The following ARHGEF37 variants were observed in gnomAD, a reference collection of about 807,000 sequenced individuals.
ARHGEF37 encodes Rho guanine nucleotide exchange factor (GEF) 37.
In ARHGEF37, 55 loss-of-function variants were observed where a neutral mutation model predicts 71.1. The observed-to-expected ratio is 0.77, with a 90% CI of 0.62 to 0.97. The LOEUF (loss-of-function observed/expected upper bound fraction) is 0.97, where lower values mean the gene tolerates loss of function less well. ARHGEF37 is among the 50% of genes least tolerant of loss of function. The pLI is 0.00. For synonymous variants in ARHGEF37, 327 were observed against 350.6 expected, an observed-to-expected ratio of 0.93 and a Z score of 0.75; for missense variants, 765 against 836.8, an observed-to-expected ratio of 0.91 and a Z score of 1.06.
At chr5:149,574,518 T>C (rs1036231798) in intron 1 of ARHGEF37, among the ~76,000 whole-genome samples, 4 of 152,238 alleles carry the variant, frequency 2.6e-5, no homozygotes, top group African/African-American at 9.6e-5. Context: ...CACCAGTTTT[T>C]TGGCCTTAGC....
chr5:149,626,946 G>A, intron 10 of ARHGEF37, 130 bp from the exon 11 acceptor site: 3 of 946,486 alleles, frequency 3.2e-6, no homozygotes, highest in Non-Finnish European at 4.7e-6. Context: ...CCTGATCAGG[G>A]TGGGCCCTTC....
chr5:149,555,144 A>G (rs555746318), intron 1 of ARHGEF37, among the ~76,000 whole-genome samples: 34 of 151,648 alleles, frequency 2.2e-4, no homozygotes, highest in Middle Eastern at 3.4e-3. Context: ...AAAAAAAAAA[A>G]AAAGAAAGAA....
At chr5:149,603,155 G>A (rs868159655) in intron 3 of ARHGEF37, among the ~76,000 whole-genome samples, 2 of 151,944 alleles carry the variant, frequency 1.3e-5, no homozygotes, top group African/African-American at 2.4e-5. Flanking sequence ...CTGGTCTCGA[G>A]CTCCTGACCT....
intron 3 of ARHGEF37, among the ~76,000 whole-genome samples, chr5:149,602,043 T>C (rs1285832105): frequency 6.8e-6 from 1 of 147,946 alleles, no homozygotes; most frequent in Non-Finnish European, 1.5e-5. Context: ...GTTTGATTTA[T>C]GTTTTTCTTT....
chr5:149,561,821 T>C (rs899261422), intron 1 of ARHGEF37, among the ~76,000 whole-genome samples: 2 of 152,232 alleles, frequency 1.3e-5, no homozygotes, highest in Non-Finnish European at 2.9e-5. Flanking sequence ...ATATTTGTGT[T>C]AGCTATTTTT....
rs116320238 is a variant in ARHGEF37 at position 149,585,308 on chromosome 5, G to A, written c.-12+3684G>A. 7.3e-3 allele frequency among the ~76,000 whole-genome samples: 1,107 copies of A among 152,214 alleles called. 11 individuals carry two copies. The highest frequency in any genetic ancestry group is 0.025 in the African/African-American group (1,055 of 41,522). ...TGTTATCCGGAAACTTCACTCCTAG[G>A]TCCAGCTTTATTGTAATAGTGAAAC... is the stretch of plus-strand genomic sequence containing the variant. On this transcript the variant is annotated intron_variant, in intron 1 of 12. Coordinates refer to ENST00000333677, the MANE Select transcript of ARHGEF37 (RefSeq NM_001001669.3).
At position 149,632,216 on chromosome 5, in the gene ARHGEF37, G is replaced by A. The variant is rs761344053; in HGVS notation, c.*25G>A. The A allele has an allele frequency of 1.9e-6, 3 of 1,608,552 alleles. No homozygotes were observed. The highest frequency in any genetic ancestry group is 2.2e-5 in the South Asian group (2 of 90,936). ...GGGTACCCTCTTTGGAGCCTACATT[G>A]CCAAATGATGGGGGAGGCTTAGAGG... On this transcript the variant is annotated 3_prime_UTR_variant, in exon 13 of 13. Coordinates refer to ENST00000333677, the MANE Select transcript of ARHGEF37 (RefSeq NM_001001669.3).
upstream of ARHGEF37, among the ~76,000 whole-genome samples, chr5:149,581,317 C>T (rs2113261287): frequency 6.6e-6 from 1 of 152,346 alleles, no homozygotes; most frequent in East Asian, 1.9e-4. Flanking sequence ...TGCAATCCTT[C>T]GGGTTGGCTG....
In ARHGEF37 at chr5:149,570,875, C is replaced by CA. The variant is rs1010514695; in HGVS notation, c.-12+18765dup. Reference sequence around the variant, plus strand: ...TGGGTGACAGAGCAAGACTCCATCTCAAAAAAAAAAAAAGTTTAACTTACA... The same window carrying CA: ...TGGGTGACAGAGCAAGACTCCATCTCAAAAAAAAAAAAAAGTTTAACTTACA... On this transcript the variant is annotated intron_variant, in intron 1 of 2. Transcript: ENST00000505810. Among the ~76,000 whole-genome samples, 564 of 129,856 alleles carry CA rather than the reference C, an allele frequency of 4.3e-3. 2 individuals are homozygous for CA. The highest frequency in any genetic ancestry group is 0.012 in the African/African-American group (430 of 35,398). The allele number at this position is 129,856 out of a possible 152,430, so 85.2% of individuals were successfully genotyped here. A position where few individuals can be genotyped will look rare whatever the true frequency, so the allele number is the denominator to read the frequency against.
chr5:149,591,433 G>T (rs1763402744), intron 1 of ARHGEF37, among the ~76,000 whole-genome samples: 1 of 152,072 alleles, frequency 6.6e-6, no homozygotes, highest in Non-Finnish European at 1.5e-5. Flanking sequence ...GCCCAGGCTG[G>T]AGTGCAGTAG....
chr5:149,610,386 C>G (rs1312249734), intron 4 of ARHGEF37, among the ~76,000 whole-genome samples: 1 of 152,024 alleles, frequency 6.6e-6, no homozygotes, highest in East Asian at 1.9e-4. Context: ...TGGGTAGAAG[C>G]CTCAGGTAGA....
chr5:149,633,616 A>C lies in ARHGEF37; in HGVS notation c.*1425A>C, dbSNP rs1488493960. On this transcript the variant is annotated 3_prime_UTR_variant, in exon 13 of 13. Transcript: ENST00000333677. ...AAGTTGCAAGATTCACAGAAATGGGAAAATGTGACCAAGTGTGATCTTAAC... is the reference window on the plus strand; with the variant it reads ...AAGTTGCAAGATTCACAGAAATGGGCAAATGTGACCAAGTGTGATCTTAAC... 6.6e-6 allele frequency: 1 copy of C among 152,252 alleles called. No homozygotes were observed. Among genetic ancestry groups the C allele is most frequent in the Non-Finnish European group, 1.5e-5 (1 of 68,044 alleles). The allele number at this position is 152,252 out of a possible 1,614,324, so 9.4% of individuals were successfully genotyped here.
chr5:149,587,861 T>C (rs1763282518), intron 1 of ARHGEF37, among the ~76,000 whole-genome samples: 1 of 151,604 alleles, frequency 6.6e-6, no homozygotes, highest in African/African-American at 2.4e-5. Flanking sequence ...TATGTGCACA[T>C]TCTTGTTTCT....
chr5:149,604,354 GACTT>G (rs1310219378), intron 3 of ARHGEF37, among the ~76,000 whole-genome samples: 1 of 152,030 alleles, frequency 6.6e-6, no homozygotes. Flanking sequence ...TGTTGCATGG[GACTT>G]ACTTACGCTA....
intron 10 of ARHGEF37, among the ~76,000 whole-genome samples, chr5:149,624,458 G>T (rs1334987172): frequency 2.0e-5 from 3 of 152,146 alleles, no homozygotes; most frequent in African/African-American, 4.8e-5. Flanking sequence ...CAAAAACCTA[G>T]AACTTCTTCA....
chr5:149,618,210 C>T lies in ARHGEF37; in HGVS notation c.693C>T (p.Leu231=), dbSNP rs780595787. ...ACACCAAGGTAGAGCAGCTGACCCT[C>T]CGGGAGCGGCTGGCCCGCATCAACA... is the stretch of plus-strand genomic sequence containing the variant. The part of the protein sequence containing the change: ...SKYTKVEQLT[L]RERLARINTH... Residue 231 remains leucine (L), a synonymous_variant, in exon 6 of 13, where the codon CTC becomes CTT. Coordinates refer to ENST00000333677, the MANE Select transcript of ARHGEF37 (RefSeq NM_001001669.3). The T allele has an allele frequency of 8.7e-6, 14 of 1,614,132 alleles. No individual in the cohort carries two copies. In the East Asian group the frequency reaches 3.1e-4, roughly 36 times the overall value.
chr5:149,616,890 T>C (rs1049945770), intron 5 of ARHGEF37, 124 bp downstream of exon 5: 19 of 1,017,804 alleles, frequency 1.9e-5, no homozygotes, highest in Admixed American at 2.7e-5. Context: ...AATCCAGAGG[T>C]AATGCAAGCT....
intron 1 of ARHGEF37, among the ~76,000 whole-genome samples, chr5:149,564,288 A>C (rs1762872585): frequency 1.3e-5 from 2 of 152,122 alleles, no homozygotes; most frequent in Non-Finnish European, 2.9e-5. Context: ...ATCATAAAAA[A>C]ATTTCATTGG....
chr5:149,576,371 T>C (rs961010126), intron 1 of ARHGEF37, among the ~76,000 whole-genome samples: 1 of 152,236 alleles, frequency 6.6e-6, no homozygotes, highest in Non-Finnish European at 1.5e-5. Flanking sequence ...TTCCTGGTAG[T>C]GAGGCCTGTG....
Sources: gnomAD v4.1 joint callset for allele counts (sites outside exome capture counted in the v4.1 genomes callset) on GRCh38, gnomAD v4.1.1 for gene constraint, MANE v1.5 for transcripts, NCBI Gene and HGNC (gene_info 2026-07-23, HGNC 2026-07-21) for gene names.